The following STXBP5L variants were observed in gnomAD, a reference collection of about 807,000 sequenced individuals.
STXBP5L encodes the protein syntaxin binding protein 5L, also known as syntaxin-binding protein 5-like.
STXBP5L carries 65 observed loss-of-function variants against 144.5 expected under a neutral mutation model. That is an observed-to-expected ratio of 0.45 (90% CI 0.37 to 0.55). STXBP5L has a LOEUF of 0.55. STXBP5L is among the 20% of genes least tolerant of loss of function. The pLI, the probability that STXBP5L is intolerant of heterozygous loss-of-function variation, is 0.00. For missense variants in STXBP5L, 1,298 were observed against 1,405.5 expected (o/e 0.92, Z 1.22); for synonymous variants, 505 against 469.6 (o/e 1.08, Z -0.97).
At chr3:121,166,890 G>T (rs2046520504) in intron 9 of STXBP5L, among the ~76,000 whole-genome samples, 1 of 152,078 alleles carries the variant, frequency 6.6e-6, no homozygotes, top group Admixed American at 6.6e-5. Flanking sequence ...ATATGATAAG[G>T]CAATTGTGGA....
chr3:121,053,788 A>G (rs1253890877), intron 5 of STXBP5L, among the ~76,000 whole-genome samples: 1 of 152,182 alleles, frequency 6.6e-6, no homozygotes, highest in Admixed American at 6.5e-5. Flanking sequence ...AACTACCATC[A>G]GAGTGAACAG....
chr3:121,121,704 A>G lies in STXBP5L; in HGVS notation c.669A>G (p.Lys223=), dbSNP rs1471144697. The stretch of plus-strand genomic sequence containing the variant: ...GCGATAGCCCAAGAGATGAAGGCAA[A>G]GTGAGTATTATGATATCTTTATTAT... The part of the protein sequence containing the change: ...HLSDSPRDEG[K]LLIGYENGTV... Residue 223 remains lysine (K), a splice_region_variant and synonymous_variant, in exon 7 of 27, where the codon AAA becomes AAG. Coordinates refer to ENST00000471454, the MANE Select transcript of STXBP5L (RefSeq NM_001308330.2). 6.3e-7 allele frequency: 1 copy of G among 1,593,866 alleles called. No homozygotes were observed. Among genetic ancestry groups the G allele is most frequent in the Admixed American group, 1.7e-5 (1 of 59,668 alleles).
chr3:120,926,923 A>C (rs1709662836), intron 2 of STXBP5L, among the ~76,000 whole-genome samples: 2 of 147,814 alleles, frequency 1.4e-5, no homozygotes, highest in South Asian at 4.2e-4. Flanking sequence ...TTCTCTGATA[A>C]ATTTCTTTCC....
intron 9 of STXBP5L, among the ~76,000 whole-genome samples, chr3:121,205,414 T>A (rs1559862406): frequency 6.6e-6 from 1 of 152,214 alleles, no homozygotes; most frequent in Admixed American, 6.5e-5. Flanking sequence ...TCACAATAAC[T>A]GTATTAATTC....
chr3:121,163,682 A>C (rs2046401403), intron 9 of STXBP5L, among the ~76,000 whole-genome samples: 1 of 152,180 alleles, frequency 6.6e-6, no homozygotes, highest in Admixed American at 6.5e-5. Flanking sequence ...TTATTTAAAC[A>C]AGAAGTACTG....
At chr3:121,044,010 G>T (rs998431210) in intron 4 of STXBP5L, among the ~76,000 whole-genome samples, 2 of 151,960 alleles carry the variant, frequency 1.3e-5, no homozygotes, top group Non-Finnish European at 2.9e-5. Context: ...TAAATTTCTC[G>T]TTTGTTTATA....
intron 3 of STXBP5L, among the ~76,000 whole-genome samples, chr3:120,982,811 A>G (rs1294516975): frequency 6.6e-6 from 1 of 152,094 alleles, no homozygotes. Flanking sequence ...GGACTGGGCT[A>G]GGCAGTCCCC....
chr3:121,087,912 C>T (rs1442889155), intron 5 of STXBP5L, among the ~76,000 whole-genome samples: 1 of 152,014 alleles, frequency 6.6e-6, no homozygotes, highest in East Asian at 1.9e-4. Context: ...TACAAATTAC[C>T]AGTTTGAATG....
chr3:121,127,833 C>T (rs894331055), intron 7 of STXBP5L, among the ~76,000 whole-genome samples: 2 of 151,934 alleles, frequency 1.3e-5, no homozygotes, highest in Non-Finnish European at 2.9e-5. Flanking sequence ...TTCTGGTCAG[C>T]AGAAGTACCT....
rs2049376408 is a variant in STXBP5L at position 121,233,612 on chromosome 3, G to T, written c.1112-4G>T. On this transcript the variant is annotated splice_region_variant and splice_polypyrimidine_tract_variant and intron_variant, in intron 11 of 26. Coordinates refer to ENST00000471454, the MANE Select transcript of STXBP5L (RefSeq NM_001308330.2). ...AACTTTTCATTTTTTATTTTTACTT[G>T]TAGAATTTCAAGAACCCTATGCTGT... is the stretch of plus-strand genomic sequence containing the variant. 6.2e-7 allele frequency: 1 copy of T among 1,605,398 alleles called. No homozygotes were observed. Among genetic ancestry groups the T allele is most frequent in the South Asian group, 1.1e-5 (1 of 89,306 alleles).
At chr3:121,008,492 C>T (rs996828020) in intron 3 of STXBP5L, among the ~76,000 whole-genome samples, 2 of 151,980 alleles carry the variant, frequency 1.3e-5, no homozygotes, top group South Asian at 4.1e-4. Flanking sequence ...TCTACTTCTA[C>T]TTTTTGGTTC....
chr3:121,245,513 G>A (rs1004785494), intron 14 of STXBP5L, among the ~76,000 whole-genome samples: 1 of 152,084 alleles, frequency 6.6e-6, no homozygotes, highest in African/African-American at 2.4e-5. Context: ...GACATAGAAT[G>A]GCTTGATTGA....
Position 121,381,324 on chromosome 3 carries a change from A to G in STXBP5L, c.2379A>G (p.Arg793=). 6.3e-7 allele frequency: 1 copy of G among 1,586,198 alleles called. No homozygotes were observed. Among genetic ancestry groups the G allele is most frequent in the South Asian group, 1.2e-5 (1 of 85,102 alleles). The change falls in exon 22 of 27, where the codon AGA becomes AGG. Residue 793 remains arginine (R), a synonymous_variant. Transcript: ENST00000471454. ...ENRENSYNRS[R]SSSISSIDKD... ...GAGAAAATTCCTATAATCGTTCTAG[A>G]AGCTCTAGTATCTCCAGTATTGACA...
chr3:121,228,549 A>C (rs745752995), intron 11 of STXBP5L, among the ~76,000 whole-genome samples: 10 of 152,228 alleles, frequency 6.6e-5, no homozygotes, highest in Admixed American at 1.3e-4. Flanking sequence ...CAGAATTAAA[A>C]ATCAAAACCT....
chr3:121,078,396 G>A (rs572670706), intron 5 of STXBP5L, among the ~76,000 whole-genome samples: 11 of 152,362 alleles, frequency 7.2e-5, no homozygotes, highest in African/African-American at 2.4e-4. Flanking sequence ...GCCAATTGGT[G>A]TGTTTACAAT....
intron 3 of STXBP5L, among the ~76,000 whole-genome samples, chr3:121,027,582 G>A (rs986493374): frequency 6.6e-6 from 1 of 152,016 alleles, no homozygotes; most frequent in African/African-American, 2.4e-5. Context: ...AAAGTCCACA[G>A]TGGTCAGTGG....
chr3:121,094,065 C>T (rs1477682924), intron 5 of STXBP5L, among the ~76,000 whole-genome samples: 3 of 152,110 alleles, frequency 2.0e-5, no homozygotes, highest in African/African-American at 7.2e-5. Flanking sequence ...GTTCAATTTT[C>T]ATGTAGTTGA....
Position 121,407,468 on chromosome 3 carries a change from C to A in STXBP5L, c.2813C>A (p.Ser938Ter). ...ICSEKQAKVF[S>*]LPSQTCLYVH... ...TCAGAAAAACAAGCCAAAGTCTTCT[C>A]ACTGCCTTCTCAGACTTGCCTTTAT... is the stretch of plus-strand genomic sequence containing the variant. Residue 938 changes from serine (S) to a stop codon, truncating the protein, a stop_gained, in exon 23 of 27, where the codon TCA becomes TAA. Transcript: ENST00000471454. LOFTEE classifies it high-confidence loss of function. 6.2e-7 allele frequency: 1 copy of A among 1,613,352 alleles called. No individual in the cohort carries two copies. Among genetic ancestry groups the A allele is most frequent in the Non-Finnish European group, 8.5e-7 (1 of 1,179,488 alleles).
intron 5 of STXBP5L, among the ~76,000 whole-genome samples, chr3:121,054,341 C>G (rs570177352): frequency 7.2e-5 from 11 of 152,076 alleles, no homozygotes; most frequent in Non-Finnish European, 1.2e-4. Context: ...GGAACCAACC[C>G]AAATGTCCAA....
Sources: allele counts gnomAD v4.1 joint callset (sites outside exome capture counted in the v4.1 genomes callset), GRCh38; gene constraint gnomAD v4.1.1; transcripts MANE v1.5; gene names NCBI Gene and HGNC (gene_info 2026-07-23, HGNC 2026-07-21).